M1AP: variants seen among roughly 807,000 people sequenced by gnomAD.
The protein encoded by M1AP is meiosis 1 associated protein.
In M1AP, 39 loss-of-function variants were observed where a neutral mutation model predicts 51.2. That is an observed-to-expected ratio of 0.76 (90% CI 0.59 to 1.00). The LOEUF (loss-of-function observed/expected upper bound fraction) is 1.00, where lower values mean the gene tolerates loss of function less well. M1AP is among the 50% of genes least tolerant of loss of function. The probability of loss-of-function intolerance (pLI) is 0.00; values close to 1 mark genes in which losing one functional copy is unlikely to be tolerated. For missense variants in M1AP, 545 were observed against 641.2 expected (o/e 0.85, Z 1.62); for synonymous variants, 251 against 249.2 (o/e 1.01, Z -0.07).
At chr2:74,572,327 T>C (rs1678794558) in intron 7 of M1AP, among the ~76,000 whole-genome samples, 2 of 152,198 alleles carry the variant, frequency 1.3e-5, no homozygotes, top group African/African-American at 4.8e-5. Context: ...TAAATTTTCT[T>C]TCTTTCCCAC....
intron 7 of M1AP, among the ~76,000 whole-genome samples, chr2:74,570,349 A>G (rs1185644935): frequency 6.6e-6 from 1 of 152,180 alleles, no homozygotes; most frequent in African/African-American, 2.4e-5. Context: ...GAGAAGTAAG[A>G]AAGGGGGGAA....
chr2:74,634,102 TA>T (rs1406615698), intron 2 of M1AP, among the ~76,000 whole-genome samples: 3 of 152,174 alleles, frequency 2.0e-5, no homozygotes, highest in African/African-American at 7.2e-5. Context: ...CATATTAGGA[TA>T]AAAGTGAAAG....
Position 74,560,300 on chromosome 2 carries a change from AAG to A in M1AP, c.1282-11_1282-10del, listed in dbSNP as rs1219352640. The A allele has an allele frequency of 2.5e-6, 4 of 1,582,596 alleles. No individual in the cohort carries two copies. The highest frequency in any genetic ancestry group is 1.4e-5 in the African/African-American group (1 of 73,584). ...AGGCTGTCCAGCATGCTCTGAGGAA[AAG>A]AGAGGAGGGGCCTCACTAGGGAACT... On this transcript the variant is annotated splice_polypyrimidine_tract_variant and intron_variant, in intron 8 of 10. Coordinates refer to ENST00000421985, the MANE Select transcript of M1AP (RefSeq NM_001321739.2).
chr2:74,612,906 G>A (rs1368598766), intron 3 of M1AP, among the ~76,000 whole-genome samples: 3 of 151,460 alleles, frequency 2.0e-5, no homozygotes, highest in East Asian at 1.9e-4. Flanking sequence ...TGGTATTCCC[G>A]TTACATGTAA....
intron 2 of M1AP, among the ~76,000 whole-genome samples, chr2:74,624,881 T>C (rs1000660766): frequency 6.6e-6 from 1 of 152,214 alleles, no homozygotes; most frequent in African/African-American, 2.4e-5. Flanking sequence ...CAATCTTTTG[T>C]TACTGCAAAC....
At chr2:74,580,699 C>T (rs952408111) in intron 5 of M1AP, among the ~76,000 whole-genome samples, 1 of 152,160 alleles carries the variant, frequency 6.6e-6, no homozygotes, top group African/African-American at 2.4e-5. Flanking sequence ...TCAAAGGAGG[C>T]GGTAACCCCA....
chr2:74,638,528 T>C (rs7606347), intron 2 of M1AP, among the ~76,000 whole-genome samples: 12,138 of 152,232 alleles, frequency 0.08, 1,365 homozygotes, highest in African/African-American at 0.25. Flanking sequence ...ACATGTTACT[T>C]TTGAGACTAA....
Position 74,640,214 on chromosome 2 carries a change from G to A in M1AP, c.62C>T (p.Pro21Leu), listed in dbSNP as rs1318673116. The A allele has an allele frequency of 6.2e-7, 1 of 1,614,102 alleles. No homozygotes were observed. Among genetic ancestry groups the A allele is most frequent in the Non-Finnish European group, 8.5e-7 (1 of 1,180,012 alleles). The change falls in exon 2 of 11, where the codon CCT (proline) becomes CTT (leucine). Residue 21 changes from proline to leucine, a missense_variant. By Grantham distance (98) the Pro-to-Leu change is moderately conservative. Transcript: ENST00000421985. ...PSTHTQIDQQ[P>L]PRLLIVHIAL... ...AATGTGCACAATGAGAAGCCGTGGA[G>A]GTTGCTGGTCAATCTGAGTGTGAGT... is the stretch of plus-strand genomic sequence containing the variant.
intron 7 of M1AP, among the ~76,000 whole-genome samples, chr2:74,563,328 G>C (rs941187103): frequency 6.6e-6 from 1 of 152,116 alleles, no homozygotes; most frequent in South Asian, 2.1e-4. Context: ...GGCCGGGAGC[G>C]GTGGCACACA....
rs138700283 is a variant in M1AP at position 74,628,568 on chromosome 2, T to A, written c.240+11468A>T. On this transcript the variant is annotated intron_variant, in intron 2 of 10. Transcript: ENST00000421985. Reference sequence around the variant, plus strand: ...AGACTGTAAGTCCCAATCAAAAGATTCTTGATTCAGCTTCTGACACAGTTT... The same window carrying A: ...AGACTGTAAGTCCCAATCAAAAGATACTTGATTCAGCTTCTGACACAGTTT... 268 of 555,500 alleles carry A rather than the reference T, an allele frequency of 4.8e-4. 2 individuals carry two copies. Among genetic ancestry groups the A allele is most frequent in the African/African-American group, 4.5e-3 (235 of 51,952 alleles). 34.4% of individuals were successfully genotyped at this position (555,500 alleles called of 1,614,324 possible).
intron 7 of M1AP, among the ~76,000 whole-genome samples, chr2:74,571,531 T>C (rs1342477084): frequency 6.6e-6 from 1 of 152,138 alleles, no homozygotes; most frequent in African/African-American, 2.4e-5. Context: ...CTTGTAAAAA[T>C]AGGCTTAGGA....
In M1AP at chr2:74,623,502, A is replaced by AT. The variant is rs1251660761; in HGVS notation, c.241-8354dup. On this transcript the variant is annotated intron_variant, in intron 2 of 10. Transcript: ENST00000421985. ...TGAGTAACAGAGCCAGACTCTGTCT[A>AT]TAAAAAAAAAAAAAAAGAGAGAGAG... is the stretch of plus-strand genomic sequence containing the variant. Among the ~76,000 whole-genome samples, 91 of 150,426 alleles carry AT rather than the reference A, an allele frequency of 6.0e-4. No homozygotes were observed. The East Asian group carries it at 8.0e-3, about 13-fold the overall frequency.
At chr2:74,610,764 G>A (rs1244682901) in intron 3 of M1AP, among the ~76,000 whole-genome samples, 1 of 152,160 alleles carries the variant, frequency 6.6e-6, no homozygotes, top group Non-Finnish European at 1.5e-5. Context: ...CCAGATTTTA[G>A]AGGAAAAACT....
intron 4 of M1AP, among the ~76,000 whole-genome samples, chr2:74,599,722 T>C (rs1680563421): frequency 6.6e-6 from 1 of 152,116 alleles, no homozygotes; most frequent in Non-Finnish European, 1.5e-5. Flanking sequence ...ACTTCTAAAA[T>C]ATAGAATACA....
chr2:74,587,186 A>G (rs1039944525), intron 4 of M1AP, among the ~76,000 whole-genome samples: 44 of 149,922 alleles, frequency 2.9e-4, no homozygotes, highest in African/African-American at 1.1e-3. Context: ...ATAATAATAT[A>G]TTTTCCTTTT....
At chr2:74,612,344 A>G (rs1681416646) in intron 3 of M1AP, among the ~76,000 whole-genome samples, 1 of 152,002 alleles carries the variant, frequency 6.6e-6, no homozygotes, top group African/African-American at 2.4e-5. Context: ...TCGGCCTCCC[A>G]AAGTAGCTAG....
chr2:74,575,672 C>G (rs182113067), intron 6 of M1AP, 93 bp from the exon 7 acceptor site: 1 of 959,532 alleles, frequency 1.0e-6, no homozygotes, highest in East Asian at 2.4e-5. Context: ...TAAGACAGTA[C>G]TGTGAAAGCT....
chr2:74,645,089 G>A (rs570682701), intron 1 of M1AP, among the ~76,000 whole-genome samples: 2 of 152,180 alleles, frequency 1.3e-5, no homozygotes, highest in African/African-American at 2.4e-5. Flanking sequence ...AATACTCACC[G>A]TGAAGGTCTG....
intron 7 of M1AP, among the ~76,000 whole-genome samples, chr2:74,566,897 G>A (rs1472544398): frequency 6.6e-6 from 1 of 152,208 alleles, no homozygotes; most frequent in Non-Finnish European, 1.5e-5. Flanking sequence ...GGACTGTAAA[G>A]CTCTGGAATG....
Sources: gnomAD v4.1 joint callset for allele counts (sites outside exome capture counted in the v4.1 genomes callset) on GRCh38, gnomAD v4.1.1 for gene constraint, MANE v1.5 for transcripts, NCBI Gene and HGNC (gene_info 2026-07-23, HGNC 2026-07-21) for gene names.